The following UNC5C variants were observed in gnomAD, a reference collection of about 807,000 sequenced individuals.
The protein encoded by UNC5C is unc-5 netrin receptor C.
UNC5C carries 47 observed loss-of-function variants against 99.8 expected under a neutral mutation model. That is an observed-to-expected ratio of 0.47 (90% CI 0.37 to 0.60). The LOEUF is 0.60. UNC5C is among the 20% of genes least tolerant of loss of function. The pLI is 0.00. For missense variants in UNC5C, 1,062 were observed against 1,165.9 expected (o/e 0.91, Z 1.30); for synonymous variants, 487 against 452.2 (o/e 1.08, Z -0.98).
At chr4:95,395,750 C>G (rs1336843116) in intron 1 of UNC5C, among the ~76,000 whole-genome samples, 1 of 152,092 alleles carries the variant, frequency 6.6e-6, no homozygotes, top group South Asian at 2.1e-4. Flanking sequence ...AGCAGACAGG[C>G]CAAAAAAGCT....
At chr4:95,343,256 G>A (rs775756452) in intron 1 of UNC5C, among the ~76,000 whole-genome samples, 1 of 152,124 alleles carries the variant, frequency 6.6e-6, no homozygotes, top group Non-Finnish European at 1.5e-5. Flanking sequence ...CCAGTGTTGG[G>A]TAGAGACAGG....
chr4:95,433,615 A>T (rs548896349), intron 1 of UNC5C, among the ~76,000 whole-genome samples: 2 of 152,262 alleles, frequency 1.3e-5, no homozygotes, highest in East Asian at 3.9e-4. Context: ...TACAAACCCA[A>T]GAACCGTCCC....
chr4:95,436,012 T>G (rs990373896), intron 1 of UNC5C, among the ~76,000 whole-genome samples: 2 of 152,072 alleles, frequency 1.3e-5, no homozygotes, highest in Non-Finnish European at 1.5e-5. Flanking sequence ...ATTGGACAAT[T>G]TCCTGTTGTT....
At chr4:95,373,095 C>T (rs2621459) in intron 1 of UNC5C, among the ~76,000 whole-genome samples, 1 of 152,072 alleles carries the variant, frequency 6.6e-6, no homozygotes, top group Non-Finnish European at 1.5e-5. Context: ...CATCATCTCA[C>T]TATCTCTTGT....
intron 1 of UNC5C, among the ~76,000 whole-genome samples, chr4:95,424,666 T>C (rs573912155): frequency 8.6e-5 from 13 of 151,060 alleles, no homozygotes; most frequent in African/African-American, 1.5e-4. Flanking sequence ...GGACTACAGG[T>C]GCCCCCCACC....
intron 13 of UNC5C, 62 bp downstream of exon 13, chr4:95,184,981 CTATA>C: frequency 6.9e-7 from 1 of 1,452,084 alleles, no homozygotes. Context: ...TTTCCTATGT[CTATA>C]TAATTTTAGA....
chr4:95,489,647 T>C (rs1043055257), intron 1 of UNC5C, among the ~76,000 whole-genome samples: 10 of 151,570 alleles, frequency 6.6e-5, no homozygotes, highest in African/African-American at 2.4e-4. Flanking sequence ...GATGGAGAGA[T>C]GTATGTGTGG....
At chr4:95,315,683 G>A (rs528895118) in intron 2 of UNC5C, among the ~76,000 whole-genome samples, 1 of 152,112 alleles carries the variant, frequency 6.6e-6, no homozygotes, top group African/African-American at 2.4e-5. Flanking sequence ...GAGCCATGAG[G>A]TATGGATCAT....
At chr4:95,464,252 G>A (rs1223448208) in intron 1 of UNC5C, among the ~76,000 whole-genome samples, 3 of 152,132 alleles carry the variant, frequency 2.0e-5, no homozygotes, top group African/African-American at 7.2e-5. Flanking sequence ...AAAATATTTG[G>A]TGAAGGCTAA....
chr4:95,311,780 A>G (rs1411769962), intron 2 of UNC5C, among the ~76,000 whole-genome samples: 1 of 152,212 alleles, frequency 6.6e-6, no homozygotes, highest in African/African-American at 2.4e-5. Flanking sequence ...ACACTGGTTC[A>G]TGCCTATAAT....
chr4:95,419,490 C>T lies in UNC5C; in HGVS notation c.125-83859G>A, dbSNP rs530622025. On this transcript the variant is annotated intron_variant, in intron 1 of 15. Transcript: ENST00000453304. ...CTGGCTTTTTGAGAAAAGGTGAACA[C>T]TGAAAAGAGATTGTGTTCCCTCCAA... Among the ~76,000 whole-genome samples the T allele has an allele frequency of 5.3e-5, 8 of 152,234 alleles. No individual in the cohort carries two copies. The East Asian group carries it at 9.7e-4, about 18-fold the overall frequency.
At chr4:95,191,873 CCA>C (rs1214007898) in intron 12 of UNC5C, among the ~76,000 whole-genome samples, 1 of 139,056 alleles carries the variant, frequency 7.2e-6, no homozygotes, top group African/African-American at 2.7e-5. Flanking sequence ...CACCTCCTCC[CCA>C]CTCACCCTCC....
chr4:95,518,310 C>A (rs188430363), intron 1 of UNC5C, among the ~76,000 whole-genome samples: 2 of 152,212 alleles, frequency 1.3e-5, no homozygotes, highest in East Asian at 3.9e-4. Flanking sequence ...ATCCTTGTTC[C>A]CTTTCTTCTA....
chr4:95,448,227 T>TGAGAGAGAGAGAGAGAGAGA (rs1208781802), intron 1 of UNC5C, among the ~76,000 whole-genome samples: 1,334 of 99,982 alleles, frequency 0.013, 50 homozygotes, highest in Middle Eastern at 0.029. Context: ...TGTGTGTGTG[T>TGAGAGAGAGAGAGAGAGAGA]GAGAGAGAGA....
At chr4:95,271,133 G>T (rs1033610463) in intron 4 of UNC5C, among the ~76,000 whole-genome samples, 1 of 152,192 alleles carries the variant, frequency 6.6e-6, no homozygotes, top group Non-Finnish European at 1.5e-5. Flanking sequence ...AAACCCTCCT[G>T]CTCTGTGACT....
chr4:95,280,815 C>T (rs1741030039), intron 3 of UNC5C, among the ~76,000 whole-genome samples: 1 of 152,174 alleles, frequency 6.6e-6, no homozygotes, highest in Non-Finnish European at 1.5e-5. Flanking sequence ...TACCTGGAGC[C>T]TCACAGCATA....
chr4:95,217,403 T>C (rs993415675), intron 9 of UNC5C, among the ~76,000 whole-genome samples: 2 of 152,142 alleles, frequency 1.3e-5, no homozygotes, highest in Admixed American at 1.3e-4. Flanking sequence ...GGACTGTCAA[T>C]GTACAGAATG....
intron 3 of UNC5C, among the ~76,000 whole-genome samples, chr4:95,297,457 G>A (rs1741704177): frequency 6.6e-6 from 1 of 152,154 alleles, no homozygotes; most frequent in Non-Finnish European, 1.5e-5. Context: ...TTAAACATCT[G>A]TGATACTCTA....
chr4:95,186,598 A>G (rs1380582812), intron 12 of UNC5C, among the ~76,000 whole-genome samples: 1 of 152,218 alleles, frequency 6.6e-6, no homozygotes, highest in East Asian at 1.9e-4. Flanking sequence ...TGAACCATGC[A>G]AGCTGCTCGA....
Sources: gnomAD v4.1 joint callset for allele counts (sites outside exome capture counted in the v4.1 genomes callset) on GRCh38, gnomAD v4.1.1 for gene constraint, MANE v1.5 for transcripts, NCBI Gene and HGNC (gene_info 2026-07-23, HGNC 2026-07-21) for gene names.